SEL1L: variants seen among roughly 807,000 people sequenced by gnomAD.
SEL1L encodes the protein protein sel-1 homolog 1.
SEL1L carries 52 observed loss-of-function variants against 109.8 expected under a neutral mutation model. The observed-to-expected ratio is 0.47, with a 90% CI of 0.38 to 0.60. SEL1L has a LOEUF of 0.60. Ranked by LOEUF, SEL1L falls within the 20% of genes least tolerant of loss-of-function variation. The pLI is 0.00. For synonymous variants in SEL1L, 373 were observed against 339.6 expected, an observed-to-expected ratio of 1.10 and a Z score of -1.08; for missense variants, 749 against 962.2, an observed-to-expected ratio of 0.78 and a Z score of 2.93.
At chr14:81,506,350 C>G (rs1884238204) in intron 3 of SEL1L, 109 bp from the exon 4 acceptor site, 7 of 912,984 alleles carry the variant, frequency 7.7e-6, no homozygotes, top group East Asian at 2.8e-5. Flanking sequence ...ATTCATGATG[C>G]CTGATTTGTA....
intron 1 of SEL1L, among the ~76,000 whole-genome samples, chr14:81,532,634 G>C (rs948496854): frequency 4.6e-5 from 7 of 152,104 alleles, no homozygotes; most frequent in African/African-American, 1.7e-4. Context: ...TCTTATTTTA[G>C]AAGCAGAATG....
At position 81,476,944 on chromosome 14, in the gene SEL1L, C is replaced by A; in HGVS notation, c.*28G>T. The A allele has an allele frequency of 1.2e-6, 2 of 1,609,062 alleles. No homozygotes were observed. Among genetic ancestry groups the A allele is most frequent in the South Asian group, 1.1e-5 (1 of 90,954 alleles). ...CCCAGCAGATAACTTCCTTCGCTGTCACTGATCAAGGCTGGACCCAGTGCC... is the reference window on the plus strand; with the variant it reads ...CCCAGCAGATAACTTCCTTCGCTGTAACTGATCAAGGCTGGACCCAGTGCC... On this transcript the variant is annotated 3_prime_UTR_variant, in exon 21 of 21. Coordinates refer to ENST00000336735, the MANE Select transcript of SEL1L (RefSeq NM_005065.6).
At chr14:81,504,908 T>C (rs1884175036) in intron 4 of SEL1L, among the ~76,000 whole-genome samples, 1 of 151,572 alleles carries the variant, frequency 6.6e-6, no homozygotes, top group African/African-American at 2.4e-5. Context: ...ATGGTAAGTT[T>C]CCTGAGGCCT....
In SEL1L at chr14:81,490,396, C is replaced by T. The variant is rs1883492610; in HGVS notation, c.1324G>A (p.Ala442Thr). 2 of 1,611,186 alleles carry T rather than the reference C, an allele frequency of 1.2e-6. No individual in the cohort carries two copies. The highest frequency in any genetic ancestry group is 1.7e-6 in the Non-Finnish European group (2 of 1,177,506). The stretch of plus-strand genomic sequence containing the variant: ...CTGAGACAAAGCCTTACCATGTCAG[C>T]AGCTTTCTTAAAGTAGTGGAGAGCT... The part of the protein sequence containing the change: ...ETALHYFKKA[A>T]DMGNPVGQSG... The change falls in exon 13 of 21, where the codon GCT becomes ACT. Residue 442 changes from alanine (A) to threonine (T), a missense_variant. Transcript: ENST00000336735.
chr14:81,483,907 G>GA (rs1437049468), intron 19 of SEL1L, among the ~76,000 whole-genome samples: 4 of 152,040 alleles, frequency 2.6e-5, no homozygotes, highest in African/African-American at 4.8e-5. Context: ...AAAATAATTT[G>GA]AAAAAAATAG....
At position 81,502,876 on chromosome 14, in the gene SEL1L, G is replaced by C; in HGVS notation, c.622C>G (p.Arg208Gly). 1 of 1,602,002 alleles carries C rather than the reference G, an allele frequency of 6.2e-7. No individual in the cohort carries two copies. Among genetic ancestry groups the C allele is most frequent in the Non-Finnish European group, 8.5e-7 (1 of 1,174,564 alleles). ...NKKSQKREAY[R>G]YLQKAASMNH... ...ATGCTTGCTGCCTTTTGGAGATACC[G>C]ATATGCTCTTCAAATGTAAACAATT... Residue 208 changes from arginine (R) to glycine (G), a missense_variant, in exon 6 of 21, where the codon CGG (arginine) becomes GGG (glycine). Coordinates refer to ENST00000336735, the MANE Select transcript of SEL1L (RefSeq NM_005065.6).
At chr14:81,491,308 T>C (rs749522112) in intron 12 of SEL1L, among the ~76,000 whole-genome samples, 6 of 152,182 alleles carry the variant, frequency 3.9e-5, no homozygotes, top group South Asian at 4.1e-4. Flanking sequence ...GCATCAGGTA[T>C]GGAGAATGAT....
In SEL1L at chr14:81,506,105, G is replaced by A; in HGVS notation, c.477C>T (p.Tyr159=). The part of the protein sequence containing the change: ...GRLWCATTYD[Y]KADEKWGFCE... ...AAAAGCCCCACTTTTCATCTGCTTT[G>A]TAGTCATAGGTTGTAGCACACCACA... is the stretch of plus-strand genomic sequence containing the variant. The change falls in exon 4 of 21, where the codon TAC becomes TAT. Residue 159 remains tyrosine, a synonymous_variant. Coordinates refer to ENST00000336735, the MANE Select transcript of SEL1L (RefSeq NM_005065.6). The A allele has an allele frequency of 6.2e-7, 1 of 1,613,722 alleles. No individual in the cohort carries two copies. The highest frequency in any genetic ancestry group is 8.5e-7 in the Non-Finnish European group (1 of 1,179,764).
chr14:81,501,167 A>G (rs1883990406), intron 6 of SEL1L, among the ~76,000 whole-genome samples: 2 of 152,240 alleles, frequency 1.3e-5, no homozygotes, highest in Admixed American at 6.5e-5. Flanking sequence ...GAAACAGCCC[A>G]TGACCAGGAG....
chr14:81,484,542 C>T (rs1415923931), intron 18 of SEL1L, 145 bp from the exon 19 acceptor site: 2 of 739,998 alleles, frequency 2.7e-6, no homozygotes, highest in African/African-American at 3.5e-5. Flanking sequence ...ATCCTTTCAG[C>T]CAAGTTATAA....
Position 81,471,855 on chromosome 14 carries a change from G to T in SEL1L, c.*5117C>A, listed in dbSNP as rs1010324879. 1 of 152,100 alleles carries T rather than the reference G, an allele frequency of 6.6e-6. No homozygotes were observed. Among genetic ancestry groups the T allele is most frequent in the Non-Finnish European group, 1.5e-5 (1 of 68,014 alleles). The allele number at this position is 152,100 out of a possible 1,614,324, so 9.4% of individuals were successfully genotyped here. The stretch of plus-strand genomic sequence containing the variant: ...TGACGTAAGTGACATGAGAAGGAAC[G>T]TACAAAGCCCATTACACAGCAGTAC... On this transcript the variant is annotated 3_prime_UTR_variant, in exon 21 of 21. Transcript: ENST00000336735.
At position 81,498,215 on chromosome 14, in the gene SEL1L, C is replaced by T. The variant is rs112281983; in HGVS notation, c.974-169G>A. The T allele has an allele frequency of 2.8e-3, 2,359 of 851,740 alleles. 32 individuals are homozygous for T. The African/African-American group carries it at 0.035, about 13-fold the overall frequency. The allele number at this position is 851,740 out of a possible 1,614,324, so 52.8% of individuals were successfully genotyped here. A position where few individuals can be genotyped will look rare whatever the true frequency, so the allele number is the denominator to read the frequency against. On this transcript the variant is annotated intron_variant, in intron 9 of 20. Transcript: ENST00000336735. ...ATCAGTAATCTATTAATAAATTGAA[C>T]TTTTTTCACAACGTAAATAGAACCT... is the stretch of plus-strand genomic sequence containing the variant.
intron 5 of SEL1L, among the ~76,000 whole-genome samples, chr14:81,503,991 GT>G (rs57590415): frequency 0.39 from 58,574 of 151,978 alleles, 13,062 homozygotes; most frequent in East Asian, 0.55. Context: ...CTCATTGTTT[GT>G]TACTGTAATC....
At chr14:81,520,637 T>C (rs1249617472) in intron 3 of SEL1L, among the ~76,000 whole-genome samples, 1 of 152,136 alleles carries the variant, frequency 6.6e-6, no homozygotes, top group East Asian at 1.9e-4. Flanking sequence ...GATACCTCTC[T>C]CCAAGCATCA....
At chr14:81,511,700 T>G (rs942474716) in intron 3 of SEL1L, among the ~76,000 whole-genome samples, 1 of 152,268 alleles carries the variant, frequency 6.6e-6, no homozygotes, top group Non-Finnish European at 1.5e-5. Context: ...CCATCCCCAT[T>G]TAAGCAACAA....
At chr14:81,487,663 A>C (rs1903562505) in intron 15 of SEL1L, 125 bp from the exon 16 acceptor site, 8 of 1,509,700 alleles carry the variant, frequency 5.3e-6, no homozygotes, top group Non-Finnish European at 6.2e-6. Context: ...ATGTGAATCT[A>C]ATACAAGCTA....
intron 3 of SEL1L, among the ~76,000 whole-genome samples, chr14:81,506,464 T>G (rs1884242578): frequency 6.6e-6 from 1 of 152,228 alleles, no homozygotes; most frequent in Admixed American, 6.5e-5. Flanking sequence ...GTGTCTAGGT[T>G]AGACTTTCTG....
chr14:81,482,304 AAATT>A (rs1351221400), intron 19 of SEL1L, among the ~76,000 whole-genome samples: 1 of 152,228 alleles, frequency 6.6e-6, no homozygotes, highest in Non-Finnish European at 1.5e-5. Flanking sequence ...TACAGTCAGT[AAATT>A]ATTACTAGAT....
At chr14:81,519,525 A>AGAGAC (rs1884830162) in intron 3 of SEL1L, among the ~76,000 whole-genome samples, 1 of 152,246 alleles carries the variant, frequency 6.6e-6, no homozygotes, top group African/African-American at 2.4e-5. Flanking sequence ...AGTTAGTTAA[A>AGAGAC]GAGACAGGAA....
Sources: allele counts gnomAD v4.1 joint callset (sites outside exome capture counted in the v4.1 genomes callset), GRCh38; gene constraint gnomAD v4.1.1; transcripts MANE v1.5; gene names NCBI Gene and HGNC (gene_info 2026-07-23, HGNC 2026-07-21).